Variants in NTRK2 observed in about 807,000 individuals in gnomAD.
The protein encoded by NTRK2 is BDNF/NT-3 growth factors receptor.
A neutral mutation model predicts 94.5 loss-of-function variants in NTRK2; 13 were observed. The ratio of observed to expected loss-of-function variants is 0.14; its 90% confidence interval spans 0.09 to 0.22. The LOEUF (loss-of-function observed/expected upper bound fraction) is 0.22, where lower values mean the gene tolerates loss of function less well. NTRK2 is among the 10% of genes least tolerant of loss of function. The pLI, the probability that NTRK2 is intolerant of heterozygous loss-of-function variation, is 1.00. For synonymous variants in NTRK2, 372 were observed against 407.4 expected (o/e 0.91, Z 1.05); for missense variants, 639 against 1,071.2 (o/e 0.60, Z 5.63).
At chr9:84,824,253 A>G (rs983718946) in intron 12 of NTRK2, among the ~76,000 whole-genome samples, 1 of 152,226 alleles carries the variant, frequency 6.6e-6, no homozygotes, top group Non-Finnish European at 1.5e-5. Context: ...AGGGCACACA[A>G]TGGCAGTAAC....
chr9:84,832,746 T>G (rs2131688073), intron 12 of NTRK2, among the ~76,000 whole-genome samples: 2 of 152,332 alleles, frequency 1.3e-5, no homozygotes, highest in Middle Eastern at 3.4e-3. Context: ...ACTGTCTTCA[T>G]TCACCTCAGT....
intron 2 of NTRK2, among the ~76,000 whole-genome samples, chr9:84,686,820 AC>A (rs1364497965): frequency 1.3e-5 from 2 of 152,210 alleles, no homozygotes; most frequent in African/African-American, 2.4e-5. Context: ...TCATCAAAAA[AC>A]CCAACTGATA....
intron 17 of NTRK2, among the ~76,000 whole-genome samples, chr9:84,980,357 G>A (rs1031978600): frequency 2.0e-5 from 3 of 151,996 alleles, no homozygotes; most frequent in African/African-American, 7.3e-5. Context: ...TTCTTCTTTT[G>A]ACTTACTTAC....
chr9:84,801,714 A>G (rs892360846), intron 12 of NTRK2, among the ~76,000 whole-genome samples: 34 of 152,302 alleles, frequency 2.2e-4, no homozygotes, highest in African/African-American at 7.7e-4. Context: ...TCAACGTACT[A>G]TATTTTCAGC....
intron 17 of NTRK2, among the ~76,000 whole-genome samples, chr9:85,001,049 C>G (rs1830279400): frequency 1.3e-5 from 2 of 152,166 alleles, no homozygotes; most frequent in Admixed American, 6.5e-5. Context: ...GATTCCAAGA[C>G]TTTCAGTTCA....
chr9:84,898,761 G>A (rs2076837880), intron 14 of NTRK2, among the ~76,000 whole-genome samples: 1 of 151,658 alleles, frequency 6.6e-6, no homozygotes, highest in African/African-American at 2.4e-5. Context: ...GGAGTGCAAT[G>A]GTGCAATCTT....
intron 11 of NTRK2, among the ~76,000 whole-genome samples, chr9:84,748,319 C>T (rs548785954): frequency 1.1e-4 from 16 of 152,270 alleles, no homozygotes; most frequent in East Asian, 3.9e-4. Flanking sequence ...TCCTTGTTTA[C>T]GAAAGGATTT....
intron 12 of NTRK2, chr9:84,811,778 T>G: frequency 9.4e-7 from 1 of 1,065,694 alleles, no homozygotes; most frequent in Non-Finnish European, 1.1e-6. Flanking sequence ...AGCTGTGGAT[T>G]TCTGCATCCC....
At chr9:84,866,499 C>T (rs185896462) in intron 13 of NTRK2, among the ~76,000 whole-genome samples, 1 of 152,174 alleles carries the variant, frequency 6.6e-6, no homozygotes, top group East Asian at 1.9e-4. Flanking sequence ...AAATAGGGAT[C>T]CCAGATTCAT....
At chr9:84,681,088 A>T (rs1477467876) in intron 2 of NTRK2, among the ~76,000 whole-genome samples, 1 of 152,206 alleles carries the variant, frequency 6.6e-6, no homozygotes, top group Non-Finnish European at 1.5e-5. Flanking sequence ...TCTCTGGGCT[A>T]CATCACCCTC....
chr9:84,815,243 G>T, intron 12 of NTRK2: 1 of 1,055,582 alleles, frequency 9.5e-7, no homozygotes, highest in Non-Finnish European at 1.1e-6. Context: ...ATGTTCATGA[G>T]TGAGCACCCA....
intron 9 of NTRK2, among the ~76,000 whole-genome samples, chr9:84,737,812 A>G (rs1241863492): frequency 6.6e-6 from 1 of 151,512 alleles, no homozygotes; most frequent in African/African-American, 2.4e-5. Flanking sequence ...CTCCATCTTC[A>G]GTAGTCCCAC....
At chr9:84,824,273 G>T (rs1161259809) in intron 12 of NTRK2, among the ~76,000 whole-genome samples, 1 of 152,218 alleles carries the variant, frequency 6.6e-6, no homozygotes, top group East Asian at 1.9e-4. Flanking sequence ...CAGTGGTTCT[G>T]AGAGAACCCT....
At chr9:84,951,030 ATCAG>A (rs1246109362) in intron 16 of NTRK2, among the ~76,000 whole-genome samples, 2 of 152,202 alleles carry the variant, frequency 1.3e-5, no homozygotes, top group Non-Finnish European at 2.9e-5. Flanking sequence ...AGTTTAAGTA[ATCAG>A]TCAATCACTG....
At chr9:84,935,034 T>G (rs890786942) in intron 15 of NTRK2, among the ~76,000 whole-genome samples, 1 of 152,158 alleles carries the variant, frequency 6.6e-6, no homozygotes, top group African/African-American at 2.4e-5. Flanking sequence ...GCTTCAGGTA[T>G]TTTACATATA....
At position 84,948,480 on chromosome 9, in the gene NTRK2, G is replaced by C. The variant is rs2132881456; in HGVS notation, c.1783G>C (p.Asp595His). 6.2e-7 allele frequency: 1 copy of C among 1,614,128 alleles called. No individual in the cohort carries two copies. The highest frequency in any genetic ancestry group is 8.5e-7 in the Non-Finnish European group (1 of 1,180,016). ...TCCCCAGACCCTGAAGGATGCCAGT[G>C]ACAATGCACGCAAGGACTTCCACCG... ...VAVKTLKDAS[D>H]NARKDFHREA... Residue 595 changes from aspartate to histidine, a missense_variant, in exon 16 of 19, where the codon GAC becomes CAC. By Grantham distance (81) the Asp-to-His change is moderately conservative (BLOSUM62 -1). Around this residue, in one of 5 missense-constraint regions of NTRK2, gnomAD observed 343 missense variants for 571.5 expected, o/e 0.60. Transcript: ENST00000277120.
At chr9:84,918,080 T>C (rs911059024) in intron 14 of NTRK2, among the ~76,000 whole-genome samples, 2 of 152,218 alleles carry the variant, frequency 1.3e-5, no homozygotes, top group Non-Finnish European at 2.9e-5. Flanking sequence ...AAGTGGAGGC[T>C]GTAGCTATGT....
chr9:85,001,168 G>C (rs1335476739), intron 17 of NTRK2, among the ~76,000 whole-genome samples: 1 of 152,112 alleles, frequency 6.6e-6, no homozygotes, highest in Non-Finnish European at 1.5e-5. Flanking sequence ...TCCCTCTTCT[G>C]GTGCTAGTTC....
intron 17 of NTRK2, among the ~76,000 whole-genome samples, chr9:84,985,983 A>G (rs749685808): frequency 3.6e-4 from 55 of 152,208 alleles, no homozygotes; most frequent in Non-Finnish European, 2.8e-4. Flanking sequence ...TCTAATGAGC[A>G]TATTCCTGCA....
Sources: gnomAD v4.1 joint callset for allele counts (sites outside exome capture counted in the v4.1 genomes callset) on GRCh38, gnomAD v4.1.1 for gene constraint, gnomAD v4.1.1 regional missense constraint, MANE v1.5 for transcripts, NCBI Gene and HGNC (gene_info 2026-07-23, HGNC 2026-07-21) for gene names.